NOS1: variants seen among roughly 807,000 people sequenced by gnomAD.
The protein encoded by NOS1 is nitric oxide synthase 1.
A neutral mutation model predicts 164.5 loss-of-function variants in NOS1; 51 were observed. The ratio of observed to expected loss-of-function variants is 0.31; its 90% CI spans 0.25 to 0.39. NOS1 has a LOEUF of 0.39. Ranked by LOEUF, NOS1 falls within the 10% of genes least tolerant of loss-of-function variation. The probability of loss-of-function intolerance (pLI) is 1.00; values close to 1 mark genes in which losing one functional copy is unlikely to be tolerated. For synonymous variants in NOS1, 719 were observed against 745.8 expected, an observed-to-expected ratio of 0.96 and a Z score of 0.59; for missense variants, 1,362 against 1,885.6, an observed-to-expected ratio of 0.72 and a Z score of 5.14.
In NOS1 at chr12:117,211,106, G is replaced by T; in HGVS notation, c.*4203C>A. 1.8e-6 allele frequency: 1 copy of T among 564,640 alleles called. No homozygotes were observed. The highest frequency in any genetic ancestry group is 2.2e-6 in the Non-Finnish European group (1 of 445,692). The allele number at this position is 564,640 out of a possible 1,614,324, so 35.0% of individuals were successfully genotyped here. On this transcript the variant is annotated 3_prime_UTR_variant, in exon 29 of 29. Transcript: ENST00000317775. ...CAGGTAGCTGAGACTACAGGCGCAT[G>T]CCACCATGCCCAGCTAATTTTTGTA...
intron 3 of NOS1, among the ~76,000 whole-genome samples, chr12:117,308,033 A>T (rs1874241393): frequency 6.7e-6 from 1 of 148,972 alleles, no homozygotes; most frequent in Non-Finnish European, 1.5e-5. Flanking sequence ...ACATGGGTAC[A>T]AAAGGATTTA....
intron 7 of NOS1, among the ~76,000 whole-genome samples, chr12:117,281,254 GC>G (rs1236166264): frequency 6.6e-6 from 1 of 152,204 alleles, no homozygotes; most frequent in Non-Finnish European, 1.5e-5. Context: ...GGGCGCGGTG[GC>G]TCATGCCTAT....
chr12:117,323,120 G>A (rs1444461189), intron 2 of NOS1, among the ~76,000 whole-genome samples: 1 of 152,216 alleles, frequency 6.6e-6, no homozygotes, highest in Non-Finnish European at 1.5e-5. Context: ...AGAGCCATGG[G>A]ATAAGCCTGC....
At chr12:117,251,342 A>AAC (rs1409794557) in intron 17 of NOS1, among the ~76,000 whole-genome samples, 2 of 152,018 alleles carry the variant, frequency 1.3e-5, no homozygotes, top group East Asian at 3.9e-4. Flanking sequence ...TGTGTTCACC[A>AAC]ACAGATGATG....
At chr12:117,360,045 A>G (rs1348307876) in intron 1 of NOS1, among the ~76,000 whole-genome samples, 1 of 150,512 alleles carries the variant, frequency 6.6e-6, no homozygotes, top group African/African-American at 2.4e-5. Flanking sequence ...TCCATTTTAC[A>G]GATGAGAAAC....
chr12:117,297,831 C>T (rs1033654069), intron 3 of NOS1, among the ~76,000 whole-genome samples: 17 of 152,024 alleles, frequency 1.1e-4, no homozygotes, highest in Admixed American at 6.5e-5. Flanking sequence ...AAGCACCTGC[C>T]CTTCCCTAGT....
At chr12:117,240,551 G>A (rs1422183635) in intron 20 of NOS1, among the ~76,000 whole-genome samples, 1 of 152,208 alleles carries the variant, frequency 6.6e-6, no homozygotes, top group Non-Finnish European at 1.5e-5. Flanking sequence ...TCAGATAACC[G>A]GGTCGGTGTG....
chr12:117,264,422 G>A (rs1239412779), intron 12 of NOS1, among the ~76,000 whole-genome samples: 2 of 151,964 alleles, frequency 1.3e-5, no homozygotes, highest in Non-Finnish European at 2.9e-5. Flanking sequence ...ACAGGTATAT[G>A]CCACCACACT....
chr12:117,265,442 C>G lies in NOS1; in HGVS notation c.2010G>C (p.Glu670Asp). The part of the protein sequence containing the change: ...TESFIKHMEN[E>D]YRCRGGCPAD... ...CAGGGCAGCCCCCCCGGCAGCGGTA[C>G]TCATTCTCCATGTGCTTAATGAAGG... Residue 670 changes from glutamate (E) to aspartate (D), a missense_variant, in exon 12 of 29, where the codon GAG (glutamate) becomes GAC (aspartate). Glu to Asp is a conservative substitution (Grantham distance 45, BLOSUM62 2). Coordinates refer to ENST00000317775, the MANE Select transcript of NOS1 (RefSeq NM_000620.5). 1 of 1,591,018 alleles carries G rather than the reference C, an allele frequency of 6.3e-7. No homozygotes were observed. Among genetic ancestry groups the G allele is most frequent in the Non-Finnish European group, 8.6e-7 (1 of 1,169,470 alleles).
At chr12:117,278,516 T>C (rs904328586) in intron 8 of NOS1, among the ~76,000 whole-genome samples, 5 of 152,190 alleles carry the variant, frequency 3.3e-5, no homozygotes, top group African/African-American at 1.2e-4. Context: ...CAGCTCTGTG[T>C]TTGTAATAAT....
At chr12:117,338,852 T>C (rs1366955746) in intron 1 of NOS1, among the ~76,000 whole-genome samples, 2 of 152,146 alleles carry the variant, frequency 1.3e-5, no homozygotes, top group South Asian at 2.1e-4. Flanking sequence ...CTTGACTCTT[T>C]TCAGTTTATA....
intron 28 of NOS1, among the ~76,000 whole-genome samples, 153 bp from the exon 29 acceptor site, chr12:117,215,477 C>T (rs797008244): frequency 1.3e-5 from 2 of 151,366 alleles, no homozygotes; most frequent in African/African-American, 4.9e-5. Context: ...CGCTCTGTCA[C>T]CCAGGCTGGA....
Position 117,272,997 on chromosome 12 carries a change from C to T in NOS1, c.1665-438G>A, listed in dbSNP as rs911522645. Among the ~76,000 whole-genome samples the T allele has an allele frequency of 2.0e-5, 3 of 152,122 alleles. No individual in the cohort carries two copies. The highest frequency in any genetic ancestry group is 1.9e-4 in the East Asian group (1 of 5,174). ...TTTGGGGGGTAGGGGAATGCAGTCT[C>T]GCTCTGTCATGCAGGCTTCCTCCTG... is the stretch of plus-strand genomic sequence containing the variant. On this transcript the variant is annotated intron_variant, in intron 9 of 28. Transcript: ENST00000317775. The surrounding 1 kb of genome is among the most constrained non-coding windows in gnomAD (Gnocchi z 4.3).
intron 1 of NOS1, among the ~76,000 whole-genome samples, chr12:117,360,844 C>A (rs767998289): frequency 1.2e-4 from 18 of 152,282 alleles, no homozygotes; most frequent in South Asian, 4.1e-4. Context: ...GGGAGGGTAG[C>A]GAGCTGTGCC....
intron 17 of NOS1, among the ~76,000 whole-genome samples, chr12:117,250,882 T>C (rs1871048223): frequency 6.6e-6 from 1 of 152,236 alleles, no homozygotes; most frequent in Non-Finnish European, 1.5e-5. Context: ...GTTTGTGATG[T>C]CTGCCATATT....
chr12:117,334,254 A>G (rs1875693817), intron 1 of NOS1, among the ~76,000 whole-genome samples: 1 of 152,048 alleles, frequency 6.6e-6, no homozygotes, highest in African/African-American at 2.4e-5. Flanking sequence ...TCTCTCTCAC[A>G]CCTTGGCTGT....
chr12:117,315,375 T>A (rs921284241), intron 2 of NOS1, among the ~76,000 whole-genome samples: 8 of 152,090 alleles, frequency 5.3e-5, no homozygotes, highest in South Asian at 2.1e-4. Context: ...AACTAATTTT[T>A]AAAATTTTTT....
At chr12:117,302,703 C>G (rs972024526) in intron 3 of NOS1, among the ~76,000 whole-genome samples, 2 of 151,746 alleles carry the variant, frequency 1.3e-5, no homozygotes, top group African/African-American at 4.8e-5. Flanking sequence ...GTTAAAATGG[C>G]TACACACCTG....
chr12:117,351,140 C>A (rs997770793), intron 1 of NOS1, among the ~76,000 whole-genome samples: 17 of 152,110 alleles, frequency 1.1e-4, no homozygotes, highest in Admixed American at 6.5e-5. Context: ...AAAAAAAAGT[C>A]TCTTGCCCTC....
Sources: gnomAD v4.1 joint callset for allele counts (sites outside exome capture counted in the v4.1 genomes callset) on GRCh38, gnomAD v4.1.1 for gene constraint, Gnocchi (gnomAD v3.1) non-coding constraint, MANE v1.5 for transcripts, NCBI Gene and HGNC (gene_info 2026-07-23, HGNC 2026-07-21) for gene names.